MYOM2: variants seen among roughly 807,000 people sequenced by gnomAD.
MYOM2 encodes the protein myomesin-2.
A neutral mutation model predicts 187.6 loss-of-function variants in MYOM2; 254 were observed. That is an observed-to-expected ratio of 1.35 (90% confidence interval 1.22 to 1.50). MYOM2 has a LOEUF of 1.50. Ranked by LOEUF, MYOM2 falls within the 40% of genes most tolerant of loss-of-function variation. The pLI is 0.00. For synonymous variants in MYOM2, 981 were observed against 753.8 expected, an observed-to-expected ratio of 1.30 and a Z score of -4.94; for missense variants, 2,796 against 1,924.0, an observed-to-expected ratio of 1.45 and a Z score of -8.48.
intron 13 of MYOM2, among the ~76,000 whole-genome samples, chr8:2,082,885 C>A (rs1195224575): frequency 2.6e-5 from 4 of 152,136 alleles, no homozygotes; most frequent in East Asian, 1.9e-4. Flanking sequence ...AGAGAAAAAT[C>A]TCCTGGGGAG....
intron 1 of MYOM2, among the ~76,000 whole-genome samples, chr8:2,048,213 G>C (rs1265692871): frequency 3.3e-5 from 5 of 152,216 alleles, no homozygotes; most frequent in Admixed American, 3.3e-4. Context: ...GCGTCTGCTG[G>C]AGTGGAATTG....
At chr8:2,142,476 C>G (rs1416872839) in intron 35 of MYOM2, 79 bp downstream of exon 35, 1 of 1,402,182 alleles carries the variant, frequency 7.1e-7, no homozygotes, top group Non-Finnish European at 1.0e-6. Flanking sequence ...GGAGGACCAA[C>G]TTTGTGTATT....
At chr8:2,052,999 T>C (rs11775202) in intron 3 of MYOM2, among the ~76,000 whole-genome samples, 6,093 of 152,316 alleles carry the variant, frequency 0.04, 171 homozygotes, top group South Asian at 0.062. Context: ...GGTGGTGATA[T>C]GGCTTTGATC....
chr8:2,136,791 T>G (rs1418867111), intron 32 of MYOM2, among the ~76,000 whole-genome samples: 1 of 152,232 alleles, frequency 6.6e-6, no homozygotes, highest in African/African-American at 2.4e-5. Context: ...TTTCTTTTTC[T>G]GTAAGCAAGT....
At chr8:2,143,141 C>G (rs1798335772) in intron 35 of MYOM2, among the ~76,000 whole-genome samples, 1 of 152,140 alleles carries the variant, frequency 6.6e-6, no homozygotes, top group Non-Finnish European at 1.5e-5. Context: ...CCCTTCAAGC[C>G]CAGTTCCCAT....
At position 2,085,401 on chromosome 8, in the gene MYOM2, G is replaced by A. The variant is rs528530245; in HGVS notation, c.1644+11G>A. 6 of 1,599,718 alleles carry A rather than the reference G, an allele frequency of 3.8e-6. No individual in the cohort carries two copies. The African/African-American group carries it at 7.0e-5, about 19-fold the overall frequency. ...TACTTCATTGAGAAGGTAAACTCCG[G>A]GCCCGTGTCCTGGAAAAGTAGATCT... On this transcript the variant is annotated intron_variant, in intron 14 of 36. Transcript: ENST00000262113.
intron 3 of MYOM2, among the ~76,000 whole-genome samples, chr8:2,057,048 G>C (rs570683855): frequency 6.6e-6 from 1 of 152,220 alleles, no homozygotes; most frequent in East Asian, 1.9e-4. Flanking sequence ...GCCTCCAAGC[G>C]GTTTGCAGTT....
intron 34 of MYOM2, 71 bp from the exon 35 acceptor site, chr8:2,142,304 G>T: frequency 7.0e-7 from 1 of 1,435,080 alleles, no homozygotes; most frequent in Non-Finnish European, 9.8e-7. Context: ...CCTCTCAGCT[G>T]TGCATTTTGT....
chr8:2,116,117 G>A lies in MYOM2; in HGVS notation c.3325+13G>A, dbSNP rs374535938. 22 of 1,548,272 alleles carry A rather than the reference G, an allele frequency of 1.4e-5. No individual in the cohort carries two copies. The highest frequency in any genetic ancestry group is 1.4e-4 in the African/African-American group (7 of 50,744). ...CTTATTGGAGATGGTATGCTATATC[G>A]AATATTTCCACGTCCATACAAGATA... On this transcript the variant is annotated intron_variant, in intron 26 of 36. Transcript: ENST00000262113.
chr8:2,075,985 G>A (rs867423155), intron 10 of MYOM2, among the ~76,000 whole-genome samples, 156 bp from the exon 11 acceptor site: 1 of 152,128 alleles, frequency 6.6e-6, no homozygotes, highest in Non-Finnish European at 1.5e-5. Flanking sequence ...TCACCAACCC[G>A]CCAGAGTAAG....
chr8:2,054,945 G>A (rs369294249), intron 3 of MYOM2, among the ~76,000 whole-genome samples: 2 of 103,944 alleles, frequency 1.9e-5, no homozygotes, highest in Non-Finnish European at 4.2e-5. Context: ...ATGGGGGAAC[G>A]AAGTACCTGG....
chr8:2,113,215 G>A (rs17684547), intron 25 of MYOM2, among the ~76,000 whole-genome samples: 20,028 of 152,274 alleles, frequency 0.13, 1,735 homozygotes, highest in Non-Finnish European at 0.19. Context: ...GGATTCCCTC[G>A]ACGCCATCGT....
In MYOM2 at chr8:2,117,955, G is replaced by A. The variant is rs1341056790; in HGVS notation, c.3453+3G>A. The A allele has an allele frequency of 6.2e-7, 1 of 1,611,672 alleles. No homozygotes were observed. The highest frequency in any genetic ancestry group is 8.5e-7 in the Non-Finnish European group (1 of 1,178,604). On this transcript the variant is annotated splice_donor_region_variant and intron_variant, in intron 28 of 36. Transcript: ENST00000262113. The stretch of plus-strand genomic sequence containing the variant: ...GTGAAGTTCGACTTGTTTGCAAGGT[G>A]AGAAACCCGGTTCTAACAGGAAAAC...
In MYOM2 at chr8:2,073,226, G is replaced by GTGTCCAGC. The variant is rs1353528632; in HGVS notation, c.959-111_959-104dup. 3 of 1,169,304 alleles carry GTGTCCAGC rather than the reference G, an allele frequency of 2.6e-6. No individual in the cohort carries two copies. In the East Asian group the frequency reaches 7.2e-5, roughly 28 times the overall value. The allele number at this position is 1,169,304 out of a possible 1,614,324, so 72.4% of individuals were successfully genotyped here. ...CCAGGCTGAGGCTCTGCCTTCCGTGGTGTCCAGCTCGACTGTCCTGTCCCG... is the reference window on the plus strand; with the variant it reads ...CCAGGCTGAGGCTCTGCCTTCCGTGGTGTCCAGCTGTCCAGCTCGACTGTCCTGTCCCG... On this transcript the variant is annotated intron_variant, in intron 9 of 36. Coordinates refer to ENST00000262113, the MANE Select transcript of MYOM2 (RefSeq NM_003970.4).
chr8:2,051,024 G>GCCA (rs113989622), intron 2 of MYOM2, 151 bp downstream of exon 2: 34,461 of 631,658 alleles, frequency 0.055, 1,432 homozygotes, highest in African/African-American at 0.15. Flanking sequence ...CCCAGGTCCT[G>GCCA]CCACGGAGCA....
intron 19 of MYOM2, among the ~76,000 whole-genome samples, chr8:2,100,129 TTTCCTTCCTTCC>T (rs71211554): frequency 0.013 from 585 of 45,586 alleles, 12 homozygotes; most frequent in South Asian, 0.028. Context: ...TCCTTCCTTC[TTTCCTTCCTTCC>T]TTCCTTCCTT....
chr8:2,056,535 G>T (rs975160673), intron 3 of MYOM2, among the ~76,000 whole-genome samples: 2 of 152,124 alleles, frequency 1.3e-5, no homozygotes, highest in Admixed American at 1.3e-4. Flanking sequence ...AGTCCCTAAG[G>T]ACTGAAGATG....
chr8:2,078,416 C>T (rs1445549868), intron 11 of MYOM2, among the ~76,000 whole-genome samples: 1 of 152,064 alleles, frequency 6.6e-6, no homozygotes, highest in African/African-American at 2.4e-5. Context: ...CAGGATGCGT[C>T]TAAAATAATT....
intron 21 of MYOM2, 103 bp downstream of exon 21, chr8:2,102,884 A>AGC: frequency 1.1e-6 from 1 of 891,800 alleles, no homozygotes; most frequent in South Asian, 1.6e-5. Context: ...TGAGTGGGAG[A>AGC]GTGAACACGT....
Sources: gnomAD v4.1 joint callset for allele counts (sites outside exome capture counted in the v4.1 genomes callset) on GRCh38, gnomAD v4.1.1 for gene constraint, MANE v1.5 for transcripts, NCBI Gene and HGNC (gene_info 2026-07-23, HGNC 2026-07-21) for gene names.